The following UHRF2 variants were observed in gnomAD, a reference collection of about 807,000 sequenced individuals.
The protein encoded by UHRF2 is E3 ubiquitin-protein ligase UHRF2.
In UHRF2, 23 loss-of-function variants were observed where a neutral mutation model predicts 96.8. The ratio of observed to expected loss-of-function variants is 0.24; its 90% CI spans 0.17 to 0.34. The LOEUF (loss-of-function observed/expected upper bound fraction) is 0.34, where lower values mean the gene tolerates loss of function less well. UHRF2 is among the 10% of genes least tolerant of loss of function. The pLI is 1.00. For synonymous variants in UHRF2, 385 were observed against 332.6 expected (o/e 1.16, Z -1.72); for missense variants, 685 against 981.5 (o/e 0.70, Z 4.04).
At chr9:6,466,694 A>C (rs138942307) in intron 4 of UHRF2, among the ~76,000 whole-genome samples, 1 of 152,154 alleles carries the variant, frequency 6.6e-6, no homozygotes, top group Non-Finnish European at 1.5e-5. Context: ...CTTCTTACAG[A>C]ATATATACTT....
At chr9:6,502,991 T>TTTTG (rs1031328755) in intron 14 of UHRF2, among the ~76,000 whole-genome samples, 2 of 152,152 alleles carry the variant, frequency 1.3e-5, no homozygotes, top group South Asian at 2.1e-4. Context: ...TGTAAGGTTT[T>TTTTG]TTTGTTTGTT....
At chr9:6,436,211 C>A (rs867020959) in intron 3 of UHRF2, among the ~76,000 whole-genome samples, 1 of 152,244 alleles carries the variant, frequency 6.6e-6, no homozygotes, top group Middle Eastern at 3.4e-3. Flanking sequence ...ATTCAGATTT[C>A]CAGGATATCT....
intron 6 of UHRF2, among the ~76,000 whole-genome samples, 167 bp from the exon 7 acceptor site, chr9:6,481,476 C>G (rs1169204088): frequency 6.6e-6 from 1 of 152,136 alleles, no homozygotes; most frequent in Non-Finnish European, 1.5e-5. Flanking sequence ...CCAGCCTAAC[C>G]ATGTAAATAT....
At chr9:6,432,612 T>C (rs921956038) in intron 2 of UHRF2, among the ~76,000 whole-genome samples, 6 of 152,214 alleles carry the variant, frequency 3.9e-5, no homozygotes, top group Non-Finnish European at 7.3e-5. Context: ...GTTAGACATA[T>C]CTAAGTAAAG....
intron 5 of UHRF2, 74 bp downstream of exon 5, chr9:6,475,574 A>G (rs999407846): frequency 2.7e-6 from 2 of 738,124 alleles, no homozygotes; most frequent in African/African-American, 3.6e-5. Context: ...TGGTCAGTGA[A>G]TAACTTGGAA....
intron 3 of UHRF2, among the ~76,000 whole-genome samples, chr9:6,459,386 G>C (rs888957777): frequency 6.6e-6 from 1 of 152,028 alleles, no homozygotes; most frequent in South Asian, 2.1e-4. Flanking sequence ...CTTAAACTTG[G>C]GGCCGGGTGC....
chr9:6,498,186 G>C (rs754146105), intron 12 of UHRF2, 28 bp downstream of exon 12: 1 of 1,605,328 alleles, frequency 6.2e-7, no homozygotes, highest in Non-Finnish European at 8.5e-7. Flanking sequence ...TAGGCTGCCT[G>C]TGTGTTCATA....
intron 9 of UHRF2, among the ~76,000 whole-genome samples, chr9:6,490,569 G>A (rs147628950): frequency 1.3e-3 from 205 of 152,226 alleles, no homozygotes; most frequent in African/African-American, 4.7e-3. Flanking sequence ...CAGAGGTTGC[G>A]GTGAGCCAAG....
intron 8 of UHRF2, among the ~76,000 whole-genome samples, chr9:6,482,598 CTTT>C (rs1334743518): frequency 1.5e-5 from 2 of 135,950 alleles, no homozygotes. Flanking sequence ...TAAGAGGGGC[CTTT>C]TTTTTTTTTT....
intron 10 of UHRF2, chr9:6,494,406 T>C (rs2130952835): frequency 6.5e-6 from 1 of 153,144 alleles, no homozygotes; most frequent in African/African-American, 2.4e-5. Flanking sequence ...TAATCAGATA[T>C]CTTCTAAGAG....
In UHRF2 at chr9:6,420,903, A is replaced by G. The variant is rs755268155; in HGVS notation, c.154-9A>G. Reference sequence around the variant, plus strand: ...AGAAGCATTTCACTATTCTTTCTTTATTTTCTAGTTGGAAAATGGATATAC... The same window carrying G: ...AGAAGCATTTCACTATTCTTTCTTTGTTTTCTAGTTGGAAAATGGATATAC... On this transcript the variant is annotated splice_polypyrimidine_tract_variant and intron_variant, in intron 1 of 15. Coordinates refer to ENST00000276893, the MANE Select transcript of UHRF2 (RefSeq NM_152896.3). 30 of 1,602,274 alleles carry G rather than the reference A, an allele frequency of 1.9e-5. No individual in the cohort carries two copies. The highest frequency in any genetic ancestry group is 2.7e-5 in the African/African-American group (2 of 74,646).
intron 1 of UHRF2, among the ~76,000 whole-genome samples, chr9:6,416,630 C>A (rs984758423): frequency 4.6e-5 from 7 of 151,012 alleles, no homozygotes; most frequent in Admixed American, 6.6e-5. Context: ...GCAAGCTCCG[C>A]CTTCCGGGTT....
intron 14 of UHRF2, among the ~76,000 whole-genome samples, chr9:6,502,086 A>T (rs1323074427): frequency 2.0e-5 from 3 of 152,218 alleles, no homozygotes; most frequent in Non-Finnish European, 4.4e-5. Flanking sequence ...CAGATAAGCC[A>T]GGAACACATT....
intron 3 of UHRF2, among the ~76,000 whole-genome samples, chr9:6,440,544 A>C (rs1821101069): frequency 1.3e-5 from 2 of 152,176 alleles, no homozygotes; most frequent in South Asian, 4.1e-4. Context: ...ATAAATATTT[A>C]ATTGCAAGTA....
intron 1 of UHRF2, among the ~76,000 whole-genome samples, chr9:6,418,259 C>CTT (rs200084021): frequency 4.0e-5 from 5 of 124,874 alleles, no homozygotes; most frequent in Admixed American, 1.6e-4. Flanking sequence ...GAGGATGTTC[C>CTT]TTTTTTTTTT....
chr9:6,451,079 C>T lies in UHRF2; in HGVS notation c.645-9494C>T, dbSNP rs73639303. Among the ~76,000 whole-genome samples, 1,043 of 152,326 alleles carry T rather than the reference C, an allele frequency of 6.8e-3. 17 individuals are homozygous for T. The highest frequency in any genetic ancestry group is 0.023 in the African/African-American group (973 of 41,562). ...TTATTTTCTCTTAACCTGAAAATCACAGTTCCTAGTGATATCACTGATTTG... is the reference window on the plus strand; with the variant it reads ...TTATTTTCTCTTAACCTGAAAATCATAGTTCCTAGTGATATCACTGATTTG... On this transcript the variant is annotated intron_variant, in intron 3 of 15. Transcript: ENST00000276893.
chr9:6,434,826 A>G (rs1246507893), intron 3 of UHRF2, among the ~76,000 whole-genome samples: 3 of 151,916 alleles, frequency 2.0e-5, no homozygotes, highest in Non-Finnish European at 4.4e-5. Context: ...AGTGACATCT[A>G]TATGTGTATG....
chr9:6,449,619 G>C (rs752076076), intron 3 of UHRF2: 1 of 152,178 alleles, frequency 6.6e-6, no homozygotes, highest in Non-Finnish European at 1.5e-5. Context: ...AGCTTATATG[G>C]GTTGGCCCTG....
chr9:6,447,865 T>C (rs767164630), intron 3 of UHRF2, among the ~76,000 whole-genome samples: 4 of 152,158 alleles, frequency 2.6e-5, no homozygotes, highest in Non-Finnish European at 5.9e-5. Context: ...TTGGAGAACC[T>C]TGGGGAAGGC....
Sources: allele counts gnomAD v4.1 joint callset (sites outside exome capture counted in the v4.1 genomes callset), GRCh38; gene constraint gnomAD v4.1.1; transcripts MANE v1.5; gene names NCBI Gene and HGNC (gene_info 2026-07-23, HGNC 2026-07-21).